DNAH14: variants seen among roughly 807,000 people sequenced by gnomAD.
DNAH14 encodes the protein dynein axonemal heavy chain 14.
DNAH14 carries 478 observed loss-of-function variants against 520.9 expected under a neutral mutation model. That is an observed-to-expected ratio of 0.92 (90% CI 0.85 to 0.99). The LOEUF is 0.99. Among genes scored for constraint, DNAH14 ranks in the 50% least tolerant of loss-of-function variants. The pLI is 0.00. For missense variants in DNAH14, 4,831 were observed against 5,234.5 expected, an observed-to-expected ratio of 0.92 and a Z score of 2.38; for synonymous variants, 1,581 against 1,757.2, an observed-to-expected ratio of 0.90 and a Z score of 2.51.
chr1:225,090,362 C>A (rs1004607036), intron 21 of DNAH14, among the ~76,000 whole-genome samples: 1 of 152,116 alleles, frequency 6.6e-6, no homozygotes, highest in Non-Finnish European at 1.5e-5. Context: ...TCCTAGCAGA[C>A]TACTTGTAGA....
At chr1:225,068,259 G>A (rs928148798) in intron 17 of DNAH14, among the ~76,000 whole-genome samples, 1 of 152,076 alleles carries the variant, frequency 6.6e-6, no homozygotes, top group African/African-American at 2.4e-5. Context: ...GATAGTTGTA[G>A]GTGTGTGGTC....
chr1:225,380,380 G>T, intron 80 of DNAH14, 58 bp downstream of exon 80: 7 of 1,478,478 alleles, frequency 4.7e-6, no homozygotes, highest in Non-Finnish European at 6.3e-6. Context: ...AAAGGACTCT[G>T]GTGTCAGGAG....
At chr1:225,159,893 A>G (rs1051583166) in intron 35 of DNAH14, among the ~76,000 whole-genome samples, 1 of 152,158 alleles carries the variant, frequency 6.6e-6, no homozygotes, top group Non-Finnish European at 1.5e-5. Flanking sequence ...AAAGTCCTTT[A>G]TTGTTTCTCT....
At chr1:225,330,043 A>T (rs2094760657) in intron 64 of DNAH14, among the ~76,000 whole-genome samples, 1 of 152,226 alleles carries the variant, frequency 6.6e-6, no homozygotes, top group African/African-American at 2.4e-5. Context: ...AAAAAGACAT[A>T]TAAAAAGGTG....
chr1:225,379,265 G>A (rs2095749031), intron 79 of DNAH14, among the ~76,000 whole-genome samples: 1 of 152,158 alleles, frequency 6.6e-6, no homozygotes, highest in Non-Finnish European at 1.5e-5. Context: ...GCATGCAGAT[G>A]ATTATTTTAC....
chr1:225,131,423 A>G (rs1386941137), intron 27 of DNAH14, among the ~76,000 whole-genome samples: 1 of 152,164 alleles, frequency 6.6e-6, no homozygotes, highest in African/African-American at 2.4e-5. Flanking sequence ...CTCACAGCCC[A>G]TTCCTCCATT....
chr1:225,181,721 A>G (rs1292143455), intron 36 of DNAH14, among the ~76,000 whole-genome samples: 2 of 152,092 alleles, frequency 1.3e-5, no homozygotes, highest in Non-Finnish European at 1.5e-5. Context: ...TAAGTTGCTT[A>G]TAGATTTTTG....
At chr1:225,009,809 G>A (rs374763175) in intron 10 of DNAH14, among the ~76,000 whole-genome samples, 39 of 151,758 alleles carry the variant, frequency 2.6e-4, no homozygotes, top group Non-Finnish European at 3.0e-4. Flanking sequence ...TCTCCTTGAA[G>A]AGGTCCTTCA....
chr1:225,073,951 G>A (rs2071881536), intron 17 of DNAH14, among the ~76,000 whole-genome samples: 2 of 149,912 alleles, frequency 1.3e-5, no homozygotes, highest in African/African-American at 2.5e-5. Flanking sequence ...AAAGTACTGG[G>A]ATTACAGGCA....
chr1:225,020,513 A>AC (rs556529204), intron 10 of DNAH14, among the ~76,000 whole-genome samples: 5,893 of 148,082 alleles, frequency 0.04, 497 homozygotes, highest in African/African-American at 0.13. Context: ...AAAAAAAAAA[A>AC]AAACAACTCA....
At chr1:225,128,274 C>T (rs533397745) in intron 27 of DNAH14, among the ~76,000 whole-genome samples, 1 of 152,030 alleles carries the variant, frequency 6.6e-6, no homozygotes, top group East Asian at 1.9e-4. Context: ...TGAAACTATT[C>T]CAATCAATAC....
chr1:225,153,932 A>G (rs1219759344), intron 34 of DNAH14, 106 bp downstream of exon 34: 14 of 741,214 alleles, frequency 1.9e-5, no homozygotes, highest in Non-Finnish European at 2.8e-5. Flanking sequence ...GGAGCCCCGC[A>G]GACTGTCATA....
At chr1:224,961,082 G>GT (rs1308253229) in intron 4 of DNAH14, 3 of 152,082 alleles carry the variant, frequency 2.0e-5, no homozygotes, top group Non-Finnish European at 4.4e-5. Context: ...CATTTTGCTG[G>GT]TGGACTTGTT....
At chr1:225,057,843 G>C (rs947543248) in intron 17 of DNAH14, among the ~76,000 whole-genome samples, 2 of 152,128 alleles carry the variant, frequency 1.3e-5, no homozygotes, top group Non-Finnish European at 2.9e-5. Flanking sequence ...ATTGATTTTC[G>C]TATGTTGAAA....
At chr1:225,049,811 A>T (rs553594314) in intron 15 of DNAH14, among the ~76,000 whole-genome samples, 135 of 126,728 alleles carry the variant, frequency 1.1e-3, no homozygotes, top group African/African-American at 2.6e-3. Context: ...TCTATCTATC[A>T]ATCATCTATC....
intron 1 of DNAH14, among the ~76,000 whole-genome samples, chr1:224,939,592 G>C (rs2125385984): frequency 6.6e-6 from 1 of 152,258 alleles, no homozygotes; most frequent in East Asian, 1.9e-4. Context: ...GCTGAGGCAG[G>C]AGAATGGCGT....
At position 225,082,604 on chromosome 1, in the gene DNAH14, A is replaced by G; in HGVS notation, c.3192A>G (p.Lys1064=). ...TTAAGCAAGTGGTAACAGAGTTTAA[A>G]CAAGAGCTGCCTATCATTATAGCTC... ...THLKQVVTEF[K]QELPIIIALG... The change falls in exon 20 of 86, where the codon AAA becomes AAG. Residue 1064 remains lysine (K), a synonymous_variant. Coordinates refer to ENST00000682510, the MANE Select transcript of DNAH14 (RefSeq NM_001367479.1). The G allele has an allele frequency of 1.3e-6, 2 of 1,551,688 alleles. No homozygotes were observed. Among genetic ancestry groups the G allele is most frequent in the Non-Finnish European group, 8.7e-7 (1 of 1,146,958 alleles).
chr1:225,031,241 T>C (rs1362720648), intron 11 of DNAH14, among the ~76,000 whole-genome samples: 1 of 152,136 alleles, frequency 6.6e-6, no homozygotes, highest in Admixed American at 6.6e-5. Context: ...CTAAGCTCAC[T>C]TATCATTTGT....
At chr1:225,370,778 A>G (rs1305020598) in intron 77 of DNAH14, among the ~76,000 whole-genome samples, 1 of 152,118 alleles carries the variant, frequency 6.6e-6, no homozygotes, top group Non-Finnish European at 1.5e-5. Flanking sequence ...AATGAAATAT[A>G]CAAAAAACCG....
Sources: allele counts gnomAD v4.1 joint callset (sites outside exome capture counted in the v4.1 genomes callset), GRCh38; gene constraint gnomAD v4.1.1; transcripts MANE v1.5; gene names NCBI Gene and HGNC (gene_info 2026-07-23, HGNC 2026-07-21).